The following ATXN7L1 variants were observed in gnomAD, a reference collection of about 807,000 sequenced individuals.
ATXN7L1 encodes ataxin-7-like protein 1.
Under a neutral mutation model 70.8 loss-of-function variants are expected in ATXN7L1, and 15 were observed. The ratio of observed to expected loss-of-function variants is 0.21; its 90% CI spans 0.14 to 0.33. The LOEUF is 0.33. ATXN7L1 is among the 10% of genes least tolerant of loss of function. The pLI is 1.00. For missense variants in ATXN7L1, 975 were observed against 1,097.1 expected (o/e 0.89, Z 1.57); for synonymous variants, 440 against 445.1 (o/e 0.99, Z 0.14).
intron 3 of ATXN7L1, among the ~76,000 whole-genome samples, chr7:105,688,706 G>T (rs1015096739): frequency 6.6e-6 from 1 of 152,188 alleles, no homozygotes; most frequent in Admixed American, 6.5e-5. Flanking sequence ...AGAACCCATG[G>T]TCAGTAACAG....
intron 3 of ATXN7L1, among the ~76,000 whole-genome samples, chr7:105,718,685 AC>A: frequency 6.6e-6 from 1 of 152,334 alleles, no homozygotes; most frequent in African/African-American, 2.4e-5. Context: ...GAGGCATGGA[AC>A]CACCTTCGGC....
At chr7:105,630,848 AT>A (rs1473339098) in intron 7 of ATXN7L1, among the ~76,000 whole-genome samples, 1 of 152,140 alleles carries the variant, frequency 6.6e-6, no homozygotes, top group Non-Finnish European at 1.5e-5. Flanking sequence ...CTTCTGCTCA[AT>A]TTTGCTGGGA....
chr7:105,737,651 T>C (rs1418464928), intron 3 of ATXN7L1, among the ~76,000 whole-genome samples: 2 of 151,996 alleles, frequency 1.3e-5, no homozygotes, highest in African/African-American at 4.8e-5. Flanking sequence ...CCTCCTTGTG[T>C]CCTAAGATGT....
In ATXN7L1 at chr7:105,725,115, G is replaced by T. The variant is rs115120584; in HGVS notation, c.356-59827C>A. Among the ~76,000 whole-genome samples the T allele has an allele frequency of 6.4e-3, 975 of 152,212 alleles. 11 individuals are homozygous for T. Among genetic ancestry groups the T allele is most frequent in the African/African-American group, 0.022 (932 of 41,518 alleles). ...AAGTCACATCCACAGGTAGGGAGTG[G>T]GTAGAATTTGAGCCTATCTTTTTGG... On this transcript the variant is annotated intron_variant, in intron 3 of 11. Coordinates refer to ENST00000419735, the MANE Select transcript of ATXN7L1 (RefSeq NM_020725.2).
At chr7:105,876,254 G>A in intron 1 of ATXN7L1, 124 bp downstream of exon 1, 2 of 1,231,714 alleles carry the variant, frequency 1.6e-6, no homozygotes, top group South Asian at 3.2e-5. Flanking sequence ...TAGAGAGAGA[G>A]GGAGAAGCAT....
chr7:105,770,309 C>T (rs1801813042), intron 3 of ATXN7L1, among the ~76,000 whole-genome samples: 1 of 152,202 alleles, frequency 6.6e-6, no homozygotes, highest in Admixed American at 6.5e-5. Context: ...CTGTAAATTA[C>T]AGTATACAGA....
At chr7:105,799,761 A>G (rs972364758) in intron 2 of ATXN7L1, among the ~76,000 whole-genome samples, 7 of 152,160 alleles carry the variant, frequency 4.6e-5, no homozygotes, top group Non-Finnish European at 1.0e-4. Flanking sequence ...AAAACAGTGG[A>G]AAGGAACTGT....
At position 105,723,470 on chromosome 7, in the gene ATXN7L1, A is replaced by G. The variant is rs77379335; in HGVS notation, c.356-58182T>C. ...AAAAAAGGGTGGGAAGTTGGACTGA[A>G]TCACACTTAGGTCTTTTGCAGCTCT... On this transcript the variant is annotated intron_variant, in intron 3 of 11. Coordinates refer to ENST00000419735, the MANE Select transcript of ATXN7L1 (RefSeq NM_020725.2). Among the ~76,000 whole-genome samples, 200 of 152,312 alleles carry G rather than the reference A, an allele frequency of 1.3e-3. 1 individual carries two copies. Among genetic ancestry groups the G allele is most frequent in the East Asian group, 2.3e-3 (12 of 5,190 alleles).
Position 105,642,827 on chromosome 7 carries a change from C to A in ATXN7L1, c.862+11G>T. ...AATCATGAGTCAGACCCTGACGACA[C>A]TGACACATACCTGAAAGTCTCCTGT... On this transcript the variant is annotated intron_variant, in intron 5 of 11. Transcript: ENST00000419735. 6.5e-7 allele frequency: 1 copy of A among 1,548,594 alleles called. No individual in the cohort carries two copies. The highest frequency in any genetic ancestry group is 1.4e-5 in the African/African-American group (1 of 73,116).
chr7:105,721,179 G>A (rs984587827), intron 3 of ATXN7L1, among the ~76,000 whole-genome samples: 13 of 152,078 alleles, frequency 8.5e-5, no homozygotes, highest in Admixed American at 1.3e-4. Context: ...AATCTTCCCC[G>A]CACCTCTCTC....
chr7:105,671,518 A>G (rs1584648888), intron 3 of ATXN7L1, among the ~76,000 whole-genome samples: 1 of 152,216 alleles, frequency 6.6e-6, no homozygotes, highest in Admixed American at 6.5e-5. Flanking sequence ...TATTCAATAC[A>G]TCAATAACAA....
chr7:105,653,790 T>C (rs1800209209), intron 4 of ATXN7L1, among the ~76,000 whole-genome samples: 1 of 152,010 alleles, frequency 6.6e-6, no homozygotes, highest in African/African-American at 2.4e-5. Context: ...TCGCTGGACT[T>C]CTCACTTCTC....
intron 3 of ATXN7L1, among the ~76,000 whole-genome samples, chr7:105,711,618 T>G (rs961154760): frequency 6.6e-6 from 1 of 152,234 alleles, no homozygotes; most frequent in Admixed American, 6.5e-5. Context: ...ACTCCATGTC[T>G]CACATCCAGG....
intron 3 of ATXN7L1, among the ~76,000 whole-genome samples, chr7:105,667,698 CAAAAAAAAAAAA>C (rs397890100): frequency 4.2e-5 from 2 of 47,066 alleles, no homozygotes; most frequent in Non-Finnish European, 7.7e-5. Context: ...GACTCCGTCT[CAAAAAAAAAAAA>C]AAAAAAAAAA....
chr7:105,611,225 C>T (rs1023258444), intron 10 of ATXN7L1, among the ~76,000 whole-genome samples: 5 of 152,230 alleles, frequency 3.3e-5, no homozygotes, highest in African/African-American at 1.2e-4. Context: ...TGGGACTGTC[C>T]TTCACACAAT....
At chr7:105,768,752 T>G (rs1201446988) in intron 3 of ATXN7L1, among the ~76,000 whole-genome samples, 4 of 152,234 alleles carry the variant, frequency 2.6e-5, no homozygotes, top group African/African-American at 9.6e-5. Flanking sequence ...AGAAGACGAG[T>G]AATCTTCCTT....
chr7:105,733,881 T>TC (rs761267437), intron 3 of ATXN7L1, among the ~76,000 whole-genome samples: 6 of 71,488 alleles, frequency 8.4e-5, no homozygotes, highest in Non-Finnish European at 1.4e-4. Context: ...CATCCATCCA[T>TC]CATCCATCAT....
At chr7:105,871,313 A>G (rs181939476) in intron 2 of ATXN7L1, among the ~76,000 whole-genome samples, 2 of 152,302 alleles carry the variant, frequency 1.3e-5, no homozygotes, top group African/African-American at 2.4e-5. Flanking sequence ...TCAAAGTGCT[A>G]TCCTGCTCCT....
intron 4 of ATXN7L1, among the ~76,000 whole-genome samples, chr7:105,657,962 T>A (rs556198590): frequency 9.8e-5 from 15 of 152,308 alleles, no homozygotes; most frequent in African/African-American, 3.6e-4. Context: ...TGAGATGTGC[T>A]GTAAGTGTAA....
Sources: gnomAD v4.1 joint callset for allele counts (sites outside exome capture counted in the v4.1 genomes callset) on GRCh38, gnomAD v4.1.1 for gene constraint, MANE v1.5 for transcripts, NCBI Gene and HGNC (gene_info 2026-07-23, HGNC 2026-07-21) for gene names.